CAPN9: variants seen among roughly 807,000 people sequenced by gnomAD.
CAPN9 encodes the protein calpain 9.
Under a neutral mutation model 92.8 loss-of-function variants are expected in CAPN9, and 81 were observed. The ratio of observed to expected loss-of-function variants is 0.87; its 90% CI spans 0.73 to 1.05. The LOEUF is 1.05. CAPN9 is among the 50% of genes least tolerant of loss of function. The probability of loss-of-function intolerance (pLI) is 0.00; values close to 1 mark genes in which losing one functional copy is unlikely to be tolerated. For synonymous variants in CAPN9, 304 were observed against 328.0 expected, an observed-to-expected ratio of 0.93 and a Z score of 0.79; for missense variants, 848 against 866.2, an observed-to-expected ratio of 0.98 and a Z score of 0.26.
At chr1:230,783,746 A>G (rs1226031368) in intron 11 of CAPN9, among the ~76,000 whole-genome samples, 4 of 152,220 alleles carry the variant, frequency 2.6e-5, no homozygotes, top group Middle Eastern at 3.2e-3. Flanking sequence ...GCATTGTTAT[A>G]AAGATAACTG....
intron 1 of CAPN9, 57 bp downstream of exon 1, chr1:230,747,766 G>A (rs1015267849): frequency 4.8e-5 from 72 of 1,504,438 alleles, no homozygotes; most frequent in East Asian, 6.8e-5. Context: ...AGCAGCCCCC[G>A]CAGGAAGTGG....
rs762838827 is a variant in CAPN9, at chr1:230,769,208, G to A, written c.734G>A (p.Arg245Gln). The A allele has an allele frequency of 1.4e-5, 22 of 1,614,016 alleles. No homozygotes were observed. Among genetic ancestry groups the A allele is most frequent in the African/African-American group, 9.3e-5 (7 of 74,920 alleles). ...DTRSAAESEA[R>Q]TPFGLIKGHA... is the part of the protein sequence containing the mutation. ...AGAAGTGCTGCAGAATCTGAGGCCC[G>A]GACGCCGTTTGGTCTTATTAAGGGT... The change falls in exon 6 of 20, where the codon CGG (arginine) becomes CAG (glutamine). Residue 245 changes from arginine (R) to glutamine (Q), a missense_variant. Physicochemically the swap from Arg to Gln is conservative, Grantham distance 43. Transcript: ENST00000271971.
chr1:230,751,689 T>A (rs1664850673), intron 1 of CAPN9, among the ~76,000 whole-genome samples: 1 of 149,202 alleles, frequency 6.7e-6, no homozygotes, highest in African/African-American at 2.5e-5. Context: ...GAAAGAAGGG[T>A]GGCTTTTCCC....
chr1:230,791,168 A>C (rs1214426977), intron 14 of CAPN9, among the ~76,000 whole-genome samples: 7 of 152,120 alleles, frequency 4.6e-5, no homozygotes, highest in Non-Finnish European at 1.0e-4. Flanking sequence ...GGTCATTATG[A>C]ATAATGCAAC....
chr1:230,795,118 G>C (rs1398169556), intron 17 of CAPN9, 45 bp from the exon 18 acceptor site: 1 of 1,264,040 alleles, frequency 7.9e-7, no homozygotes, highest in Non-Finnish European at 1.2e-6. Context: ...CTCACCTCGG[G>C]GCTCGGATAC....
At chr1:230,767,895 G>A (rs1200932111) in intron 5 of CAPN9, among the ~76,000 whole-genome samples, 186 bp downstream of exon 5, 2 of 151,960 alleles carry the variant, frequency 1.3e-5, no homozygotes, top group Admixed American at 1.3e-4. Context: ...GATAGCATTA[G>A]GAGATATACC....
chr1:230,774,440 A>G, intron 7 of CAPN9, 114 bp from the exon 8 acceptor site: 1 of 723,780 alleles, frequency 1.4e-6, no homozygotes, highest in Middle Eastern at 3.3e-4. Context: ...CCCAGTGAGT[A>G]GTTACTAAGC....
chr1:230,778,891 G>A, intron 8 of CAPN9, 82 bp from the exon 9 acceptor site: 2 of 1,240,856 alleles, frequency 1.6e-6, no homozygotes, highest in Non-Finnish European at 2.3e-6. Flanking sequence ...TAATGAATAA[G>A]TGAATGATTT....
At chr1:230,786,309 C>T (rs555195763) in intron 12 of CAPN9, 1 of 272,936 alleles carries the variant, frequency 3.7e-6, no homozygotes, top group Admixed American at 6.5e-5. Context: ...CAGAGACACT[C>T]TCTAAAAGAA....
rs1666215708 is a variant in CAPN9, at chr1:230,769,182, C to T, written c.708C>T (p.Thr236=). 4 of 1,613,406 alleles carry T rather than the reference C, an allele frequency of 2.5e-6. No homozygotes were observed. Among genetic ancestry groups the T allele is most frequent in the African/African-American group, 1.3e-5 (1 of 74,898 alleles). The change falls in exon 6 of 20, where the codon ACC becomes ACT. Residue 236 remains threonine (T), a splice_region_variant and synonymous_variant. Transcript: ENST00000271971. ...RGSLLGCFID[T]RSAAESEART... is the part of the protein sequence containing the mutation. ...ACTCTGCTCTTTCCATGTTTTAGAC[C>T]AGAAGTGCTGCAGAATCTGAGGCCC...
intron 16 of CAPN9, 126 bp from the exon 17 acceptor site, chr1:230,792,724 A>G: frequency 2.4e-6 from 2 of 832,418 alleles, no homozygotes; most frequent in Non-Finnish European, 2.0e-6. Flanking sequence ...TGGAAGGCCC[A>G]GTCCAACTGT....
intron 19 of CAPN9, among the ~76,000 whole-genome samples, chr1:230,800,275 AAAGAAAG>A (rs1558124243): frequency 7.3e-6 from 1 of 136,638 alleles, no homozygotes; most frequent in African/African-American, 2.8e-5. Context: ...AGAAAGAAAG[AAAGAAAG>A]AAAGAAAGAA....
intron 17 of CAPN9, among the ~76,000 whole-genome samples, chr1:230,794,511 A>C (rs910652287): frequency 1.3e-5 from 2 of 152,122 alleles, no homozygotes; most frequent in African/African-American, 4.8e-5. Flanking sequence ...TCAAATCCAG[A>C]AGGAAGTTCA....
At chr1:230,760,436 C>A (rs1424403276) in intron 3 of CAPN9, among the ~76,000 whole-genome samples, 1 of 152,180 alleles carries the variant, frequency 6.6e-6, no homozygotes, top group Admixed American at 6.5e-5. Flanking sequence ...GACAGTGTCA[C>A]CTTCTCCTGA....
intron 7 of CAPN9, 82 bp from the exon 8 acceptor site, chr1:230,774,472 C>T (rs1057510497): frequency 3.2e-6 from 3 of 926,390 alleles, no homozygotes; most frequent in African/African-American, 1.6e-5. Context: ...CCTCCATAAC[C>T]GCACACTGTG....
At chr1:230,752,293 C>A (rs1664895532) in intron 1 of CAPN9, among the ~76,000 whole-genome samples, 1 of 152,176 alleles carries the variant, frequency 6.6e-6, no homozygotes, top group African/African-American at 2.4e-5. Context: ...GTCCGCAGAA[C>A]CCCCTGTGAC....
intron 3 of CAPN9, among the ~76,000 whole-genome samples, chr1:230,760,872 C>T (rs1444332667): frequency 7.3e-6 from 1 of 137,728 alleles, no homozygotes; most frequent in African/African-American, 2.5e-5. Flanking sequence ...AGAACCAGAA[C>T]CAGCAGAACT....
At chr1:230,774,030 C>T (rs1470514247) in intron 7 of CAPN9, among the ~76,000 whole-genome samples, 1 of 152,238 alleles carries the variant, frequency 6.6e-6, no homozygotes, top group Admixed American at 6.5e-5. Context: ...GACGGGCACA[C>T]CTAGCTCACA....
chr1:230,749,831 G>A (rs910374648), intron 1 of CAPN9, among the ~76,000 whole-genome samples: 4 of 152,172 alleles, frequency 2.6e-5, no homozygotes, highest in Admixed American at 6.5e-5. Flanking sequence ...TTCTACTGCT[G>A]TCATTGTAAC....
Sources: gnomAD v4.1 joint callset for allele counts (sites outside exome capture counted in the v4.1 genomes callset) on GRCh38, gnomAD v4.1.1 for gene constraint, MANE v1.5 for transcripts, NCBI Gene and HGNC (gene_info 2026-07-23, HGNC 2026-07-21) for gene names.